MEMO1: variants seen among roughly 807,000 people sequenced by gnomAD.
The protein encoded by MEMO1 is protein MEMO1.
Under a neutral mutation model 45.2 loss-of-function variants are expected in MEMO1, and 6 were observed. The ratio of observed to expected loss-of-function variants is 0.13; its 90% CI spans 0.07 to 0.26. MEMO1 has a LOEUF of 0.26. Ranked by LOEUF, MEMO1 falls within the 10% of genes least tolerant of loss-of-function variation. MEMO1 has a pLI of 1.00. For missense variants in MEMO1, 184 were observed against 370.5 expected, an observed-to-expected ratio of 0.50 and a Z score of 4.13; for synonymous variants, 78 against 124.3, an observed-to-expected ratio of 0.63 and a Z score of 2.48.
chr2:31,941,654 A>G (rs1185830515), intron 3 of MEMO1, among the ~76,000 whole-genome samples: 1 of 152,212 alleles, frequency 6.6e-6, no homozygotes, highest in Non-Finnish European at 1.5e-5. Context: ...AGTTTTATAA[A>G]GATTAGTTCA....
At position 31,895,993 on chromosome 2, in the gene MEMO1, G is replaced by A. The variant is rs958451947; in HGVS notation, c.438-3859C>T. On this transcript the variant is annotated intron_variant, in intron 6 of 9. Coordinates refer to ENST00000404530, the MANE Select transcript of MEMO1 (RefSeq NM_001301833.4). The stretch of plus-strand genomic sequence containing the variant: ...CGAGTAGCTGGGACTACAGGCGCCC[G>A]CCACCTCGCCCAGCTAATTTTTTGT... Among the ~76,000 whole-genome samples, 9 of 151,808 alleles carry A rather than the reference G, an allele frequency of 5.9e-5. No homozygotes were observed. In the East Asian group the frequency reaches 1.4e-3, roughly 23 times the overall value.
At chr2:32,003,216 C>T (rs1673628010) in intron 2 of MEMO1, among the ~76,000 whole-genome samples, 3 of 151,764 alleles carry the variant, frequency 2.0e-5, no homozygotes, top group Admixed American at 2.0e-4. Flanking sequence ...GCTATAGAAC[C>T]CTGATATAAT....
intron 7 of MEMO1, among the ~76,000 whole-genome samples, chr2:31,886,331 T>C (rs931874637): frequency 7.2e-5 from 11 of 152,220 alleles, no homozygotes; most frequent in Non-Finnish European, 4.4e-5. Flanking sequence ...CAATGTATTC[T>C]GGTCAATATA....
In MEMO1 at chr2:31,893,456, T is replaced by C. The variant is rs968412150; in HGVS notation, c.438-1322A>G. The stretch of plus-strand genomic sequence containing the variant: ...CAATTAGTTAAGACTGATTGTCAAT[T>C]GAAAGAAAAGAATTAATTATTCTAA... On this transcript the variant is annotated intron_variant, in intron 6 of 9. Transcript: ENST00000404530. 1.2e-5 allele frequency: 9 copies of C among 738,032 alleles called. No homozygotes were observed. The African/African-American group carries it at 1.7e-4, about 14-fold the overall frequency. 45.7% of individuals were successfully genotyped at this position (738,032 alleles called of 1,614,324 possible). A position where few individuals can be genotyped will look rare whatever the true frequency, so the allele number is the denominator to read the frequency against.
intron 2 of MEMO1, among the ~76,000 whole-genome samples, chr2:31,994,509 AGTCCC>A (rs755641309): frequency 7.9e-5 from 12 of 151,750 alleles, no homozygotes; most frequent in Admixed American, 6.6e-5. Context: ...GCGTGTCTGC[AGTCCC>A]GGCTACTCAG....
rs937749846 is a variant in MEMO1, at chr2:31,982,841, C to T, written c.61+27346G>A. Among the ~76,000 whole-genome samples, 26 of 151,754 alleles carry T rather than the reference C, an allele frequency of 1.7e-4. 1 individual carries two copies. Among genetic ancestry groups the T allele is most frequent in the Non-Finnish European group, 5.9e-5 (4 of 67,930 alleles). On this transcript the variant is annotated intron_variant, in intron 2 of 9. Transcript: ENST00000404530. ...GATGGTGGGTGGGAGCCAGGTTTCT[C>T]AATGTTGAGGAGAGAAGTTACAGAT...
chr2:31,899,364 C>A (rs1374569915), intron 6 of MEMO1, among the ~76,000 whole-genome samples: 1 of 152,010 alleles, frequency 6.6e-6, no homozygotes, highest in Non-Finnish European at 1.5e-5. Context: ...AGAACAGAGG[C>A]CTCAGAAATA....
intron 7 of MEMO1, among the ~76,000 whole-genome samples, chr2:31,889,124 A>G (rs1431654583): frequency 1.3e-5 from 2 of 152,134 alleles, no homozygotes; most frequent in African/African-American, 4.8e-5. Flanking sequence ...CACTTTCTGC[A>G]AAAGGTAGGC....
chr2:31,949,125 G>T (rs1189867580), intron 2 of MEMO1, among the ~76,000 whole-genome samples: 1 of 152,076 alleles, frequency 6.6e-6, no homozygotes, highest in Non-Finnish European at 1.5e-5. Context: ...TGCTGGCAAA[G>T]AGATGGAAAA....
At chr2:31,997,118 G>C (rs1672711107) in intron 2 of MEMO1, among the ~76,000 whole-genome samples, 1 of 151,966 alleles carries the variant, frequency 6.6e-6, no homozygotes, top group South Asian at 2.1e-4. Flanking sequence ...TGAGGTCAGG[G>C]ACCTCAATGA....
At position 31,969,898 on chromosome 2, in the gene MEMO1, G is replaced by A. The variant is rs923371649; in HGVS notation, c.62-26515C>T. ...GGCGTGAGCCACTGTGCCTGGCCAC[G>A]GTATTTTCTAAATTTTCTATAACTT... On this transcript the variant is annotated intron_variant, in intron 2 of 9. Coordinates refer to ENST00000404530, the MANE Select transcript of MEMO1 (RefSeq NM_001301833.4). Among the ~76,000 whole-genome samples, 12 of 150,908 alleles carry A rather than the reference G, an allele frequency of 8.0e-5. No homozygotes were observed. The South Asian group carries it at 1.3e-3, about 16-fold the overall frequency.
At chr2:32,004,362 G>C (rs1673783653) in intron 2 of MEMO1, among the ~76,000 whole-genome samples, 1 of 152,022 alleles carries the variant, frequency 6.6e-6, no homozygotes, top group Admixed American at 6.6e-5. Flanking sequence ...AGATTTAACA[G>C]ACACTTCACA....
intron 6 of MEMO1, among the ~76,000 whole-genome samples, chr2:31,909,758 A>G (rs545994878): frequency 2.6e-5 from 4 of 152,284 alleles, no homozygotes; most frequent in Admixed American, 2.0e-4. Context: ...ATTTTTTTAA[A>G]TCCTAAAATT....
intron 2 of MEMO1, among the ~76,000 whole-genome samples, chr2:31,948,827 C>G (rs112092267): frequency 9.9e-4 from 150 of 152,232 alleles, no homozygotes; most frequent in African/African-American, 3.4e-3. Flanking sequence ...TAATCTAAAT[C>G]CTTTAAACTG....
At chr2:31,883,660 T>C (rs932332468) in intron 7 of MEMO1, among the ~76,000 whole-genome samples, 198 bp from the exon 8 acceptor site, 1 of 152,100 alleles carries the variant, frequency 6.6e-6, no homozygotes, top group African/African-American at 2.4e-5. Context: ...ATATCACCAA[T>C]GTTTTATGAT....
chr2:31,916,549 A>G (rs1397201450), intron 6 of MEMO1, among the ~76,000 whole-genome samples: 1 of 152,202 alleles, frequency 6.6e-6, no homozygotes, highest in Non-Finnish European at 1.5e-5. Flanking sequence ...TATTAAGTCT[A>G]AATTATATTT....
At chr2:31,922,477 T>TTAAC (rs1295555218) in intron 4 of MEMO1, among the ~76,000 whole-genome samples, 22 of 152,166 alleles carry the variant, frequency 1.4e-4, no homozygotes, top group Admixed American at 1.4e-3. Flanking sequence ...AGATTATCCT[T>TTAAC]TTCTTTAACT....
chr2:31,910,984 A>G (rs1242686341), intron 6 of MEMO1, among the ~76,000 whole-genome samples: 1 of 152,216 alleles, frequency 6.6e-6, no homozygotes, highest in Non-Finnish European at 1.5e-5. Flanking sequence ...GGAAAAAATT[A>G]TAGTCATATA....
chr2:31,921,128 A>T (rs949837907), intron 4 of MEMO1, among the ~76,000 whole-genome samples: 1 of 152,176 alleles, frequency 6.6e-6, no homozygotes, highest in Non-Finnish European at 1.5e-5. Flanking sequence ...GTCTTCAAAG[A>T]GGCGATTAAG....
Sources: allele counts gnomAD v4.1 joint callset (sites outside exome capture counted in the v4.1 genomes callset), GRCh38; gene constraint gnomAD v4.1.1; transcripts MANE v1.5; gene names NCBI Gene and HGNC (gene_info 2026-07-23, HGNC 2026-07-21).